KIZ: variants seen among roughly 807,000 people sequenced by gnomAD.
The protein encoded by KIZ is centrosomal protein kizuna.
A neutral mutation model predicts 79.6 loss-of-function variants in KIZ; 68 were observed. That is an observed-to-expected ratio of 0.85 (90% CI 0.70 to 1.05). The LOEUF (loss-of-function observed/expected upper bound fraction) is 1.05, where lower values mean the gene tolerates loss of function less well. Ranked by LOEUF, KIZ falls within the 50% of genes least tolerant of loss-of-function variation. The pLI is 0.00. For missense variants in KIZ, 797 were observed against 800.4 expected, an observed-to-expected ratio of 1.00 and a Z score of 0.05; for synonymous variants, 280 against 281.8, an observed-to-expected ratio of 0.99 and a Z score of 0.06.
In KIZ at chr20:21,240,155, C is replaced by T. The variant is rs550682154; in HGVS notation, c.1881-4090C>T. On this transcript the variant is annotated intron_variant, in intron 11 of 12. Coordinates refer to ENST00000619189, the MANE Select transcript of KIZ (RefSeq NM_018474.6). ...CTATTTTTTTTTTGAGACGGTGTCT[C>T]GCTCTGTCACCCAGGCTGGAGTGCA... 7.2e-5 allele frequency among the ~76,000 whole-genome samples: 11 copies of T among 151,994 alleles called. No individual in the cohort carries two copies. The South Asian group carries it at 1.7e-3, about 23-fold the overall frequency.
intron 9 of KIZ, among the ~76,000 whole-genome samples, chr20:21,221,079 T>C (rs2036488625): frequency 6.6e-6 from 1 of 152,026 alleles, no homozygotes. Flanking sequence ...ACTATGTAGG[T>C]CAGTTTGCCT....
chr20:21,219,230 A>G (rs1337328899), intron 9 of KIZ, among the ~76,000 whole-genome samples: 1 of 145,728 alleles, frequency 6.9e-6, no homozygotes, highest in African/African-American at 2.5e-5. Flanking sequence ...CAGTAACAAA[A>G]CAACTTTCTA....
chr20:21,232,980 T>C (rs1336256537), intron 11 of KIZ, 150 bp downstream of exon 11: 1 of 601,550 alleles, frequency 1.7e-6, no homozygotes, highest in Non-Finnish European at 3.0e-6. Context: ...AGTTGAAACT[T>C]TAGTCTACCT....
rs573627905 is a variant in KIZ at position 21,192,012 on chromosome 20, G to C, written c.1353-13479G>C. ...CTGTCCAACCCCAGCTTCTGCCGGC[G>C]GGGAGGGGTACACTGGGATTGGAAG... On this transcript the variant is annotated intron_variant, in intron 6 of 12. Coordinates refer to ENST00000619189, the MANE Select transcript of KIZ (RefSeq NM_018474.6). 6.0e-4 allele frequency among the ~76,000 whole-genome samples: 91 copies of C among 152,218 alleles called. 2 individuals are homozygous for C. Among genetic ancestry groups the C allele is most frequent in the Middle Eastern group, 3.4e-3 (1 of 294 alleles).
intron 6 of KIZ, among the ~76,000 whole-genome samples, chr20:21,181,667 C>CA (rs1488363735): frequency 5.3e-5 from 8 of 152,132 alleles, no homozygotes; most frequent in Admixed American, 5.2e-4. Context: ...CCATGTTGCC[C>CA]AGGCTGGTCT....
intron 6 of KIZ, among the ~76,000 whole-genome samples, chr20:21,191,635 G>T (rs989536765): frequency 2.6e-5 from 4 of 152,130 alleles, no homozygotes; most frequent in African/African-American, 9.7e-5. Context: ...AATCGTCATG[G>T]TTTAAAAATT....
At chr20:21,174,599 A>G (rs777064243) in intron 6 of KIZ, among the ~76,000 whole-genome samples, 4 of 152,218 alleles carry the variant, frequency 2.6e-5, no homozygotes, top group Non-Finnish European at 1.5e-5. Flanking sequence ...CCAACCTCAA[A>G]TAGGCCAATG....
At chr20:21,171,476 A>G (rs2122799781) in intron 6 of KIZ, among the ~76,000 whole-genome samples, 1 of 152,080 alleles carries the variant, frequency 6.6e-6, no homozygotes, top group Admixed American at 6.6e-5. Flanking sequence ...ACAGGGTCAC[A>G]CTCTGTTGCC....
At chr20:21,239,408 T>C (rs1218302850) in intron 11 of KIZ, among the ~76,000 whole-genome samples, 2 of 152,232 alleles carry the variant, frequency 1.3e-5, no homozygotes, top group Non-Finnish European at 2.9e-5. Context: ...TTTGTTCCAC[T>C]TTTGCTCTAC....
At chr20:21,141,450 G>A (rs1246491440) in intron 3 of KIZ, among the ~76,000 whole-genome samples, 1 of 151,580 alleles carries the variant, frequency 6.6e-6, no homozygotes, top group Non-Finnish European at 1.5e-5. Context: ...TGCTGAGCAA[G>A]GTTGTAGGTG....
At chr20:21,127,653 T>C (rs1359737364) in intron 1 of KIZ, among the ~76,000 whole-genome samples, 1 of 152,256 alleles carries the variant, frequency 6.6e-6, no homozygotes, top group Non-Finnish European at 1.5e-5. Flanking sequence ...TCATTTTTCA[T>C]TTTAAGAATT....
intron 6 of KIZ, among the ~76,000 whole-genome samples, chr20:21,186,552 C>T (rs2034883097): frequency 6.7e-6 from 1 of 149,542 alleles, no homozygotes; most frequent in South Asian, 2.1e-4. Context: ...TCGGTACTCT[C>T]ATTCATTTTA....
At chr20:21,128,772 C>CA (rs2031650197) in intron 1 of KIZ, among the ~76,000 whole-genome samples, 1 of 152,092 alleles carries the variant, frequency 6.6e-6, no homozygotes, top group South Asian at 2.1e-4. Flanking sequence ...TAAAAGGGCC[C>CA]ATTAGCCAGC....
At chr20:21,182,011 T>C (rs1286286783) in intron 6 of KIZ, among the ~76,000 whole-genome samples, 1 of 152,350 alleles carries the variant, frequency 6.6e-6, no homozygotes, top group South Asian at 2.1e-4. Flanking sequence ...TCTGACATCC[T>C]CAGTGTTGAC....
intron 6 of KIZ, among the ~76,000 whole-genome samples, chr20:21,201,078 C>T (rs143690975): frequency 1.2e-4 from 18 of 152,116 alleles, no homozygotes; most frequent in African/African-American, 4.3e-4. Context: ...AGTTAGGAGG[C>T]TGAGGCAGGA....
In KIZ at chr20:21,126,122, C is replaced by G. The variant is rs2031441380; in HGVS notation, c.7C>G (p.Arg3Gly). 1 of 1,514,686 alleles carries G rather than the reference C, an allele frequency of 6.6e-7. No individual in the cohort carries two copies. Among genetic ancestry groups the G allele is most frequent in the Non-Finnish European group, 8.8e-7 (1 of 1,131,850 alleles). 93.8% of individuals were successfully genotyped at this position (1,514,686 alleles called of 1,614,324 possible). Residue 3 changes from arginine (R) to glycine (G), a missense_variant, in exon 1 of 13, where the codon CGG becomes GGG. Physicochemically the swap from Arg to Gly is moderately radical, Grantham distance 125 (BLOSUM62 -2). Transcript: ENST00000619189. ...CTGGCGCAGCGGCAGCAGCATGAGCCGGACCCTCGCATCGGCCGTGCCCCT... is the reference window on the plus strand; with the variant it reads ...CTGGCGCAGCGGCAGCAGCATGAGCGGGACCCTCGCATCGGCCGTGCCCCT... Reference protein sequence around the residue: MSRTLASAVPLSS... With the variant: MSGTLASAVPLSS...
At chr20:21,166,656 C>G in intron 6 of KIZ, 1 of 758,312 alleles carries the variant, frequency 1.3e-6, no homozygotes, top group African/African-American at 1.8e-5. Flanking sequence ...CTTGGTTTCT[C>G]CATGTTGGTC....
intron 6 of KIZ, chr20:21,166,673 G>A (rs575626999): frequency 7.0e-4 from 480 of 681,628 alleles, no homozygotes; most frequent in Non-Finnish European, 1.1e-3. Context: ...GGTCAGGCTG[G>A]TCTTGTACTC....
At chr20:21,126,001 C>T, upstream of KIZ, 1 of 1,325,074 alleles carries the variant, frequency 7.5e-7, no homozygotes, top group Non-Finnish European at 9.6e-7. Context: ...GCCCCGCCTC[C>T]TGCAGGCGGC....
Sources: gnomAD v4.1 joint callset for allele counts (sites outside exome capture counted in the v4.1 genomes callset) on GRCh38, gnomAD v4.1.1 for gene constraint, MANE v1.5 for transcripts, NCBI Gene and HGNC (gene_info 2026-07-23, HGNC 2026-07-21) for gene names.